DYNC2LI1: variants seen among roughly 807,000 people sequenced by gnomAD.
DYNC2LI1 encodes cytoplasmic dynein 2 light intermediate chain 1.
A neutral mutation model predicts 51.9 loss-of-function variants in DYNC2LI1; 45 were observed. That is an observed-to-expected ratio of 0.87 (90% CI 0.68 to 1.11). The LOEUF (loss-of-function observed/expected upper bound fraction) is 1.11. DYNC2LI1 is among the 50% of genes most tolerant of loss of function. The pLI, the probability that DYNC2LI1 is intolerant of heterozygous loss-of-function variation, is 0.00. For synonymous variants in DYNC2LI1, 130 were observed against 137.8 expected (o/e 0.94, Z 0.40); for missense variants, 490 against 417.4 (o/e 1.17, Z -1.51).
At chr2:43,785,662 A>G (rs1673491551) in intron 3 of DYNC2LI1, among the ~76,000 whole-genome samples, 1 of 152,080 alleles carries the variant, frequency 6.6e-6, no homozygotes, top group Non-Finnish European at 1.5e-5. Context: ...TGAACCTGGG[A>G]GGCAGAGGTT....
At chr2:43,817,036 T>C in the DYNC2LI1 span, among the ~76,000 whole-genome samples, 1 of 152,088 alleles carries the variant, frequency 6.6e-6, no homozygotes, top group East Asian at 1.9e-4. Context: ...GGGAGAAAAA[T>C]GGGTAAATGG....
In DYNC2LI1 at chr2:43,776,842, A is replaced by C; in HGVS notation, c.69A>C (p.Glu23Asp). Residue 23 changes from glutamate (E) to aspartate (D), a missense_variant, in exon 2 of 13, where the codon GAA (glutamate) becomes GAC (aspartate). Glu to Asp is a conservative substitution (Grantham distance 45). Coordinates refer to ENST00000260605, the MANE Select transcript of DYNC2LI1 (RefSeq NM_016008.4). Reference sequence around the variant, plus strand: ...AAAAAAGGGGAATTAATGGAAGTGAAGGTGATGGAGCTGAAATTGCAGAAA... The same window carrying C: ...AAAAAAGGGGAATTAATGGAAGTGACGGTGATGGAGCTGAAATTGCAGAAA... ...EVEKRGINGS[E>D]GDGAEIAEKF... The C allele has an allele frequency of 6.2e-7, 1 of 1,604,856 alleles. No homozygotes were observed. The highest frequency in any genetic ancestry group is 2.3e-5 in the East Asian group (1 of 44,284).
intron 3 of DYNC2LI1, among the ~76,000 whole-genome samples, chr2:43,784,661 C>T (rs914119416): frequency 1.5e-4 from 23 of 152,182 alleles, no homozygotes; most frequent in Non-Finnish European, 2.9e-4. Flanking sequence ...CTCGAACTCA[C>T]GATGTCAGGT....
chr2:43,804,774 T>C (rs755213847), intron 11 of DYNC2LI1, 35 bp downstream of exon 11: 1 of 1,372,700 alleles, frequency 7.3e-7, no homozygotes, highest in Non-Finnish European at 1.0e-6. Context: ...AGCAAGACTT[T>C]TAGCACTGTC....
intron 5 of DYNC2LI1, chr2:43,793,267 A>C (rs1182788542): frequency 6.6e-6 from 1 of 152,450 alleles, no homozygotes; most frequent in African/African-American, 2.4e-5. Flanking sequence ...TGAGGTCAGG[A>C]GTTCGAGACC....
At chr2:43,821,177 A>C in the DYNC2LI1 span, among the ~76,000 whole-genome samples, 1 of 152,086 alleles carries the variant, frequency 6.6e-6, no homozygotes, top group South Asian at 2.1e-4. Context: ...CCTCTGTACA[A>C]ATCATGAAGT....
chr2:43,825,008 T>C, the DYNC2LI1 span: 4,645 of 1,613,810 alleles, frequency 2.9e-3, 116 homozygotes, highest in African/African-American at 0.055. Flanking sequence ...GATGGCAATT[T>C]TGTCAAAGAG....
At chr2:43,828,124 GAC>G in the DYNC2LI1 span, 3 of 1,613,772 alleles carry the variant, frequency 1.9e-6, no homozygotes, top group Admixed American at 5.0e-5. Context: ...ACCTGCAGGA[GAC>G]ACAAATTACA....
Position 43,774,084 on chromosome 2 carries a change from CT to C in DYNC2LI1, c.-54del. 6.2e-7 allele frequency: 1 copy of C among 1,611,222 alleles called. No homozygotes were observed. The highest frequency in any genetic ancestry group is 8.5e-7 in the Non-Finnish European group (1 of 1,178,808). ...TCCTTGCGGAGCTCGCCGCCTGATTCTAGGCTGGTCACTACTCCGAGCCTGT... is the reference window on the plus strand; with the variant it reads ...TCCTTGCGGAGCTCGCCGCCTGATTCAGGCTGGTCACTACTCCGAGCCTGT... On this transcript the variant is annotated 5_prime_UTR_variant, in exon 1 of 13. Transcript: ENST00000260605.
the DYNC2LI1 span, chr2:43,822,904 C>G: frequency 6.2e-7 from 1 of 1,614,118 alleles, no homozygotes; most frequent in South Asian, 1.1e-5. Flanking sequence ...CGTCCTGACT[C>G]TCCTGGTCGC....
intron 4 of DYNC2LI1, 22 bp downstream of exon 4, chr2:43,787,272 A>C: frequency 6.3e-7 from 1 of 1,575,092 alleles, no homozygotes; most frequent in East Asian, 2.2e-5. Context: ...TTAAAGTGAC[A>C]TTGCTATGCC....
At chr2:43,810,266 C>A, downstream of DYNC2LI1, 1 of 735,934 alleles carries the variant, frequency 1.4e-6, no homozygotes, top group Non-Finnish European at 1.7e-6. Context: ...TCCCAGGTCC[C>A]CACACCTAGA....
downstream of DYNC2LI1, among the ~76,000 whole-genome samples, chr2:43,810,897 G>A (rs1666458102): frequency 6.6e-6 from 1 of 152,176 alleles, no homozygotes; most frequent in Non-Finnish European, 1.5e-5. Context: ...AATAGGAATT[G>A]TTATTATGTA....
At chr2:43,786,869 C>G (rs997265162) in intron 3 of DYNC2LI1, among the ~76,000 whole-genome samples, 15 of 152,098 alleles carry the variant, frequency 9.9e-5, no homozygotes, top group Admixed American at 9.8e-4. Context: ...AGTGTCAGTG[C>G]TTCCTGCATG....
intron 12 of DYNC2LI1, 144 bp downstream of exon 12, chr2:43,805,390 TAAATA>T: frequency 2.0e-6 from 1 of 499,714 alleles, no homozygotes; most frequent in Non-Finnish European, 3.6e-6. Flanking sequence ...TACATCTATT[TAAATA>T]ACACACTAAT....
chr2:43,789,673 C>G lies in DYNC2LI1; in HGVS notation c.272C>G (p.Thr91Ser), dbSNP rs753156802. 1.9e-6 allele frequency: 3 copies of G among 1,613,718 alleles called. No homozygotes were observed. In the African/African-American group the frequency reaches 4.0e-5, roughly 22 times the overall value. Residue 91 changes from threonine to serine, a missense_variant, in exon 5 of 13, where the codon ACC becomes AGC. Transcript: ENST00000260605. Reference sequence around the variant, plus strand: ...CACTTTTGGGAACTCGGTGGAGGAACCTCTTTATTGGACTTAATCAGCATA... The same window carrying G: ...CACTTTTGGGAACTCGGTGGAGGAAGCTCTTTATTGGACTTAATCAGCATA... ...IAHFWELGGG[T>S]SLLDLISIPI...
At chr2:43,791,407 G>A (rs1673778024) in intron 5 of DYNC2LI1, among the ~76,000 whole-genome samples, 1 of 152,068 alleles carries the variant, frequency 6.6e-6, no homozygotes. Flanking sequence ...CTGGGGTTGT[G>A]GAAATTCTAG....
chr2:43,822,903 T>C, the DYNC2LI1 span: 3 of 1,613,900 alleles, frequency 1.9e-6, no homozygotes, highest in African/African-American at 1.3e-5. Flanking sequence ...CCGTCCTGAC[T>C]CTCCTGGTCG....
downstream of DYNC2LI1, among the ~76,000 whole-genome samples, chr2:43,812,071 G>T (rs1666506023): frequency 6.6e-6 from 1 of 151,668 alleles, no homozygotes; most frequent in Non-Finnish European, 1.5e-5. Flanking sequence ...TAGAGACAGG[G>T]TCTTGCTCTG....
Sources: allele counts gnomAD v4.1 joint callset (sites outside exome capture counted in the v4.1 genomes callset), GRCh38; gene constraint gnomAD v4.1.1; transcripts MANE v1.5; gene names NCBI Gene and HGNC (gene_info 2026-07-23, HGNC 2026-07-21).